The following KSR2 variants were observed in gnomAD, a reference collection of about 807,000 sequenced individuals.
KSR2 encodes kinase suppressor of ras 2.
KSR2 carries 25 observed loss-of-function variants against 107.8 expected under a neutral mutation model. The ratio of observed to expected loss-of-function variants is 0.23; its 90% CI spans 0.17 to 0.32. KSR2 has a LOEUF of 0.32. Among genes scored for constraint, KSR2 ranks in the 10% least tolerant of loss-of-function variants. The pLI is 1.00. For missense variants in KSR2, 887 were observed against 1,268.9 expected, an observed-to-expected ratio of 0.70 and a Z score of 4.57; for synonymous variants, 480 against 507.0, an observed-to-expected ratio of 0.95 and a Z score of 0.71.
intron 3 of KSR2, among the ~76,000 whole-genome samples, chr12:117,801,789 T>C (rs1593252749): frequency 6.6e-6 from 1 of 151,408 alleles, no homozygotes; most frequent in East Asian, 2.0e-4. Flanking sequence ...ACCCAAACCA[T>C]ATCAGATGGA....
At chr12:117,479,906 T>C (rs1214382519) in intron 16 of KSR2, among the ~76,000 whole-genome samples, 1 of 152,190 alleles carries the variant, frequency 6.6e-6, no homozygotes, top group African/African-American at 2.4e-5. Context: ...ATCTATAAAA[T>C]GGGCACATTA....
intron 16 of KSR2, 111 bp downstream of exon 16, chr12:117,484,305 C>A (rs1196297268): frequency 1.0e-5 from 13 of 1,263,062 alleles, no homozygotes; most frequent in Non-Finnish European, 1.3e-5. Context: ...CTCAGCTCAG[C>A]AACCTCAGGA....
intron 4 of KSR2, among the ~76,000 whole-genome samples, chr12:117,703,451 G>A (rs1203199540): frequency 6.6e-6 from 1 of 152,050 alleles, no homozygotes; most frequent in African/African-American, 2.4e-5. Flanking sequence ...CCCTGGCCCT[G>A]GTGCTAGATG....
intron 4 of KSR2, among the ~76,000 whole-genome samples, chr12:117,690,481 C>A (rs1885768657): frequency 6.6e-6 from 1 of 152,042 alleles, no homozygotes; most frequent in Non-Finnish European, 1.5e-5. Context: ...AGGAGAATCG[C>A]TTAAACCTGG....
chr12:117,789,451 G>GTATCCACCAGGGAA (rs1890185339), intron 3 of KSR2, among the ~76,000 whole-genome samples: 1 of 152,170 alleles, frequency 6.6e-6, no homozygotes, highest in South Asian at 2.1e-4. Context: ...GTTGCCTCAT[G>GTATCCACCAGGGAA]TATCCACCAG....
chr12:117,947,187 A>AAAGAAAGAAAG (rs1346063076), intron 1 of KSR2, among the ~76,000 whole-genome samples: 16 of 102,534 alleles, frequency 1.6e-4, no homozygotes, highest in Non-Finnish European at 2.9e-4. Context: ...AGAAAGAAAG[A>AAAGAAAGAAAG]AAAGAAAGAA....
intron 7 of KSR2, among the ~76,000 whole-genome samples, chr12:117,566,584 G>A (rs1878509818): frequency 6.6e-6 from 1 of 152,172 alleles, no homozygotes; most frequent in Non-Finnish European, 1.5e-5. Context: ...TTGTATGGCT[G>A]CATAGTATTC....
chr12:117,645,876 T>C (rs577873905), intron 5 of KSR2, among the ~76,000 whole-genome samples: 3,925 of 81,056 alleles, frequency 0.048, 92 homozygotes, highest in East Asian at 0.14. Flanking sequence ...TGCGTGTGTG[T>C]GTGTGTGTGT....
intron 3 of KSR2, among the ~76,000 whole-genome samples, chr12:117,812,842 C>CAAAAAAAAAAAAAAAAAAAAAAAAA (rs3073170): frequency 1.2e-4 from 11 of 95,546 alleles, no homozygotes; most frequent in African/African-American, 5.3e-4. Flanking sequence ...CCCAAATAGC[C>CAAAAAAAAAAAAAAAAAAAAAAAAA]AAAAAAAAAA....
At chr12:117,502,492 A>G (rs11068518) in intron 14 of KSR2, among the ~76,000 whole-genome samples, 74,976 of 151,880 alleles carry the variant, frequency 0.49, 19,087 homozygotes, top group South Asian at 0.64. Context: ...AGGGGTGGGG[A>G]AAGTTGGGAG....
rs553113000 is a variant in KSR2, at chr12:117,484,233, G to A, written c.2450+183C>T. Among the ~76,000 whole-genome samples the A allele has an allele frequency of 2.0e-5, 3 of 152,208 alleles. No individual in the cohort carries two copies. The South Asian group carries it at 6.2e-4, about 32-fold the overall frequency. The stretch of plus-strand genomic sequence containing the variant: ...GACAAGACAGGTGAGCAAGGTGCTG[G>A]CCCCCCCAGGGGGAAACAGAGCAGG... On this transcript the variant is annotated intron_variant, in intron 16 of 19. Transcript: ENST00000339824.
chr12:117,568,009 C>T (rs561909122), intron 7 of KSR2, among the ~76,000 whole-genome samples: 6 of 152,158 alleles, frequency 3.9e-5, no homozygotes, highest in Non-Finnish European at 8.8e-5. Context: ...GCTCTTTAGC[C>T]TATAGCTAAC....
intron 12 of KSR2, among the ~76,000 whole-genome samples, chr12:117,527,918 A>C (rs1201571373): frequency 6.6e-6 from 1 of 151,588 alleles, no homozygotes; most frequent in African/African-American, 2.4e-5. Context: ...GTGGAATGAA[A>C]ATAAAAAGAC....
chr12:117,787,044 T>A (rs28627182), intron 3 of KSR2, among the ~76,000 whole-genome samples: 1 of 151,160 alleles, frequency 6.6e-6, no homozygotes, highest in Non-Finnish European at 1.5e-5. Context: ...AAAAAAAAAA[T>A]TATGTATATC....
intron 1 of KSR2, among the ~76,000 whole-genome samples, chr12:117,963,736 G>A (rs1896720943): frequency 6.6e-6 from 1 of 152,230 alleles, no homozygotes; most frequent in East Asian, 1.9e-4. Context: ...GATCCCAGAA[G>A]TTAGTGGCCT....
intron 7 of KSR2, among the ~76,000 whole-genome samples, chr12:117,577,004 G>A (rs1295689566): frequency 6.6e-6 from 1 of 152,102 alleles, no homozygotes; most frequent in Non-Finnish European, 1.5e-5. Flanking sequence ...ACAACTCCAG[G>A]AGGAAAGGAT....
rs1419199825 is a variant in KSR2 at position 117,457,736 on chromosome 12, T to C, written c.*9463A>G. The stretch of plus-strand genomic sequence containing the variant: ...TGCTACTGGTATCTTGTGGGGAGAG[T>C]TGAGGAAGCTGCTTAACATCCTCCA... On this transcript the variant is annotated 3_prime_UTR_variant, in exon 20 of 20. Transcript: ENST00000339824. The C allele has an allele frequency of 6.6e-6, 1 of 152,064 alleles. No homozygotes were observed. The highest frequency in any genetic ancestry group is 6.6e-5 in the Admixed American group (1 of 15,260). The allele number at this position is 152,064 out of a possible 1,614,324, so 9.4% of individuals were successfully genotyped here. A position where few individuals can be genotyped will look rare whatever the true frequency, so the allele number is the denominator to read the frequency against.
At chr12:117,546,169 G>A (rs1257429345) in intron 9 of KSR2, among the ~76,000 whole-genome samples, 1 of 152,138 alleles carries the variant, frequency 6.6e-6, no homozygotes, top group Non-Finnish European at 1.5e-5. Flanking sequence ...ATGGCAAACA[G>A]TCTTAGTTTT....
intron 9 of KSR2, among the ~76,000 whole-genome samples, chr12:117,554,910 C>T (rs191135915): frequency 5.9e-5 from 9 of 152,192 alleles, no homozygotes; most frequent in Non-Finnish European, 1.3e-4. Context: ...CTCCTCCCAT[C>T]CGTTGTGCCT....
Sources: gnomAD v4.1 joint callset for allele counts (sites outside exome capture counted in the v4.1 genomes callset) on GRCh38, gnomAD v4.1.1 for gene constraint, MANE v1.5 for transcripts, NCBI Gene and HGNC (gene_info 2026-07-23, HGNC 2026-07-21) for gene names.